MBP: variants seen among roughly 807,000 people sequenced by gnomAD.
MBP encodes the protein myelin basic protein, also known as Golli-MBP.
A neutral mutation model predicts 35.8 loss-of-function variants in MBP; 16 were observed. The ratio of observed to expected loss-of-function variants is 0.45; its 90% CI spans 0.30 to 0.68. The LOEUF is 0.68. Among genes scored for constraint, MBP ranks in the 30% least tolerant of loss-of-function variants. The pLI is 0.08. For missense variants in MBP, 380 were observed against 404.7 expected (o/e 0.94, Z 0.52); for synonymous variants, 143 against 159.6 (o/e 0.90, Z 0.78).
At chr18:77,122,399 G>T (rs1262574749) in intron 1 of MBP, among the ~76,000 whole-genome samples, 1 of 152,200 alleles carries the variant, frequency 6.6e-6, no homozygotes, top group Non-Finnish European at 1.5e-5. Context: ...ATCCCAGCTA[G>T]AGTCTCAGCT....
intron 4 of MBP, chr18:77,014,734 A>G (rs890406621): frequency 4.1e-6 from 4 of 985,380 alleles, no homozygotes; most frequent in Non-Finnish European, 4.8e-6. Context: ...TGGAGCAATC[A>G]CATCCCCACT....
chr18:77,100,402 G>T (rs1975949620), intron 2 of MBP, among the ~76,000 whole-genome samples: 1 of 152,150 alleles, frequency 6.6e-6, no homozygotes, highest in African/African-American at 2.4e-5. Context: ...TTTTGTTATG[G>T]CAGCCCCAAG....
intron 2 of MBP, among the ~76,000 whole-genome samples, chr18:77,094,636 G>A (rs1489479497): frequency 6.6e-6 from 1 of 152,188 alleles, no homozygotes; most frequent in African/African-American, 2.4e-5. Flanking sequence ...ATTTTTCAGA[G>A]AAGTTTACCT....
intron 4 of MBP, chr18:77,016,144 C>T (rs997476656): frequency 1.0e-6 from 1 of 957,410 alleles, no homozygotes; most frequent in Non-Finnish European, 1.2e-6. Context: ...CTCTGGACCC[C>T]ATAGCAGAGT....
chr18:77,013,085 T>C, intron 4 of MBP: 1 of 985,406 alleles, frequency 1.0e-6, no homozygotes, highest in South Asian at 4.7e-5. Flanking sequence ...TAGCCTCCGA[T>C]CAATAACTGA....
chr18:77,060,621 T>C (rs1178456361), intron 3 of MBP, among the ~76,000 whole-genome samples: 5 of 152,030 alleles, frequency 3.3e-5, no homozygotes, highest in African/African-American at 1.2e-4. Context: ...CAGCTAATTT[T>C]GTATTTTTTG....
chr18:77,105,443 A>G (rs954297680), intron 1 of MBP, among the ~76,000 whole-genome samples, 157 bp from the exon 2 acceptor site: 2 of 152,234 alleles, frequency 1.3e-5, no homozygotes, highest in Non-Finnish European at 2.9e-5. Context: ...CGTCCAAGTC[A>G]TCTTATTAAC....
intron 3 of MBP, among the ~76,000 whole-genome samples, chr18:77,022,857 C>T (rs909368243): frequency 2.6e-5 from 4 of 152,134 alleles, no homozygotes; most frequent in South Asian, 2.1e-4. Flanking sequence ...GGATGTGCAG[C>T]GTTTTTGGTA....
At chr18:76,980,928 G>T (rs1969158999) in intron 8 of MBP, 1 of 164,244 alleles carries the variant, frequency 6.1e-6, no homozygotes, top group African/African-American at 2.4e-5. Context: ...AAAGAGCAAA[G>T]CCACGTGTCC....
At chr18:77,081,821 C>CACACACACACATATATATACACACACTAT (rs1555726078) in intron 2 of MBP, among the ~76,000 whole-genome samples, 17 of 58,946 alleles carry the variant, frequency 2.9e-4, no homozygotes, top group Non-Finnish European at 4.5e-4. Context: ...CACATATATA[C>CACACACACACATATATATACACACACTAT]ACACACACAC....
chr18:76,983,183 C>T (rs1969312635), intron 8 of MBP: 1 of 152,238 alleles, frequency 6.6e-6, no homozygotes, highest in Admixed American at 6.5e-5. Flanking sequence ...GCACTCAGCT[C>T]TCCCGGTGTG....
At position 77,031,303 on chromosome 18, in the gene MBP, A is replaced by G. The variant is rs527964968; in HGVS notation, c.140-14035T>C. Among the ~76,000 whole-genome samples the G allele has an allele frequency of 9.9e-5, 15 of 152,216 alleles. No individual in the cohort carries two copies. The South Asian group carries it at 3.1e-3, about 32-fold the overall frequency. ...AAGCAGTTTGGCAGATGCCAGACAGACCCCCGAGGCTGTGAGCATGCCCGC... is the reference window on the plus strand; with the variant it reads ...AAGCAGTTTGGCAGATGCCAGACAGGCCCCCGAGGCTGTGAGCATGCCCGC... On this transcript the variant is annotated intron_variant, in intron 3 of 8. Coordinates refer to ENST00000355994, the MANE Select transcript of MBP (RefSeq NM_001025101.2).
intron 2 of MBP, among the ~76,000 whole-genome samples, chr18:77,089,152 C>T (rs564162924): frequency 1.3e-5 from 2 of 152,350 alleles, no homozygotes; most frequent in Admixed American, 1.3e-4. Flanking sequence ...CTGCCTTCTC[C>T]GAACTACACG....
chr18:77,025,970 G>A (rs186116253), intron 3 of MBP, among the ~76,000 whole-genome samples: 13 of 152,254 alleles, frequency 8.5e-5, no homozygotes, highest in Non-Finnish European at 1.6e-4. Context: ...CATGCCCTGC[G>A]GCACCGTGAG....
rs56770189 is a variant in MBP at position 77,128,521 on chromosome 18, C to CCACACACACA, written c.-26+4049_-26+4058dup. Among the ~76,000 whole-genome samples, 818 of 147,718 alleles carry CCACACACACA rather than the reference C, an allele frequency of 5.5e-3. 7 individuals carry two copies. Among genetic ancestry groups the CCACACACACA allele is most frequent in the East Asian group, 0.022 (112 of 5,010 alleles). ...ACAGAGAACTAAGCGCACGTGCATA[C>CCACACACACA]CACACACACACACACACACACACAC... On this transcript the variant is annotated intron_variant, in intron 1 of 8. Coordinates refer to ENST00000355994, the MANE Select transcript of MBP (RefSeq NM_001025101.2).
chr18:77,050,238 TC>T (rs1973435103), intron 3 of MBP, among the ~76,000 whole-genome samples: 1 of 152,206 alleles, frequency 6.6e-6, no homozygotes, highest in African/African-American at 2.4e-5. Flanking sequence ...CAGTTTTGAC[TC>T]ATAGAGACAC....
rs1440618839 is a variant in MBP, at chr18:76,988,238, C to T, written c.750+257G>A. 1 of 1,550,030 alleles carries T rather than the reference C, an allele frequency of 6.5e-7. No homozygotes were observed. The highest frequency in any genetic ancestry group is 8.7e-7 in the Non-Finnish European group (1 of 1,147,014). Reference sequence around the variant, plus strand: ...ACCAGTCACGTCGCCTGGGAACCCTCTGGGAGAAGAGGATCTGGCCTTGCA... The same window carrying T: ...ACCAGTCACGTCGCCTGGGAACCCTTTGGGAGAAGAGGATCTGGCCTTGCA... On this transcript the variant is annotated intron_variant, in intron 7 of 8. Transcript: ENST00000355994. The surrounding 1 kb of genome is among the most constrained non-coding windows in gnomAD (Gnocchi z 5.2).
At chr18:76,995,820 G>GA (rs1443821093) in intron 4 of MBP, among the ~76,000 whole-genome samples, 2 of 152,042 alleles carry the variant, frequency 1.3e-5, no homozygotes, top group Non-Finnish European at 2.9e-5. Flanking sequence ...TCTATAAAAG[G>GA]AAAAAATGGA....
intron 3 of MBP, among the ~76,000 whole-genome samples, chr18:77,060,331 G>T (rs1973917568): frequency 6.6e-6 from 1 of 151,934 alleles, no homozygotes; most frequent in Admixed American, 6.6e-5. Context: ...GTCCTCAGAG[G>T]CACATGAAAA....
Sources: gnomAD v4.1 joint callset for allele counts (sites outside exome capture counted in the v4.1 genomes callset) on GRCh38, gnomAD v4.1.1 for gene constraint, Gnocchi (gnomAD v3.1) non-coding constraint, MANE v1.5 for transcripts, NCBI Gene and HGNC (gene_info 2026-07-23, HGNC 2026-07-21) for gene names.